Variants in MDGA2 observed in about 807,000 individuals in gnomAD.
MDGA2 encodes the protein MAM domain containing glycosylphosphatidylinositol anchor 2.
A neutral mutation model predicts 117.8 loss-of-function variants in MDGA2; 40 were observed. That is an observed-to-expected ratio of 0.34 (90% CI 0.26 to 0.44). The LOEUF (loss-of-function observed/expected upper bound fraction) is 0.44, where lower values mean the gene tolerates loss of function less well. Ranked by LOEUF, MDGA2 falls within the 20% of genes least tolerant of loss-of-function variation. The pLI is 1.00. For missense variants in MDGA2, 1,123 were observed against 1,250.6 expected (o/e 0.90, Z 1.54); for synonymous variants, 452 against 439.0 (o/e 1.03, Z -0.37).
intron 1 of MDGA2, among the ~76,000 whole-genome samples, chr14:47,360,348 T>A (rs1478612151): frequency 1.4e-5 from 1 of 71,138 alleles, no homozygotes; most frequent in Non-Finnish European, 3.2e-5. Flanking sequence ...TGAGAGTCCA[T>A]CTCAAAAAAT....
At chr14:47,073,572 G>A (rs930029605) in intron 6 of MDGA2, among the ~76,000 whole-genome samples, 2 of 152,162 alleles carry the variant, frequency 1.3e-5, no homozygotes. Flanking sequence ...CACAGATGAA[G>A]AGCCTAGTGA....
At position 47,218,053 on chromosome 14, in the gene MDGA2, G is replaced by A; in HGVS notation, c.563C>T (p.Pro188Leu). Residue 188 changes from proline to leucine, a missense_variant, in exon 3 of 17, where the codon CCA becomes CTA. This residue lies in a region of MDGA2 where 890 missense variants were observed against 1,050.3 expected (regional missense o/e 0.85). Transcript: ENST00000399232. Reference protein sequence around the residue: ...YCKAENGLGSPAIKSIRVDVY... With the variant: ...YCKAENGLGSLAIKSIRVDVY... The stretch of plus-strand genomic sequence containing the variant: ...ATCCACTCTGATTGACTTTATCGCT[G>A]GAGACCCCAAGCCATTCTCTGCTTT... 1 of 1,550,082 alleles carries A rather than the reference G, an allele frequency of 6.5e-7. No individual in the cohort carries two copies.
At chr14:47,163,400 A>T (rs1883723418) in intron 3 of MDGA2, among the ~76,000 whole-genome samples, 1 of 151,928 alleles carries the variant, frequency 6.6e-6, no homozygotes, top group South Asian at 2.1e-4. Context: ...TCATGACTGA[A>T]TCATGATGGT....
At chr14:46,852,946 CAG>C (rs1468895184) in intron 15 of MDGA2, among the ~76,000 whole-genome samples, 3 of 151,626 alleles carry the variant, frequency 2.0e-5, no homozygotes, top group African/African-American at 7.3e-5. Context: ...ATCAAATTAC[CAG>C]ACTTGTAAAA....
chr14:47,026,037 C>A (rs1566580532), intron 8 of MDGA2, among the ~76,000 whole-genome samples: 1 of 151,962 alleles, frequency 6.6e-6, no homozygotes, highest in Non-Finnish European at 1.5e-5. Context: ...GAATTTACTA[C>A]AAAGTAAAGT....
intron 1 of MDGA2, among the ~76,000 whole-genome samples, chr14:47,403,589 C>T (rs1312469165): frequency 6.6e-6 from 1 of 152,114 alleles, no homozygotes; most frequent in Non-Finnish European, 1.5e-5. Context: ...TATCCTCACC[C>T]TCTACTACTT....
chr14:47,254,737 C>A (rs1205360588), intron 2 of MDGA2, among the ~76,000 whole-genome samples: 1 of 152,184 alleles, frequency 6.6e-6, no homozygotes, highest in Non-Finnish European at 1.5e-5. Context: ...TATAGCAGAG[C>A]CCCATTACCA....
intron 1 of MDGA2, among the ~76,000 whole-genome samples, chr14:47,351,014 C>T (rs1026574919): frequency 3.9e-5 from 6 of 151,994 alleles, no homozygotes; most frequent in African/African-American, 1.4e-4. Flanking sequence ...TGGATTCAAA[C>T]GATTCTCCTG....
intron 1 of MDGA2, among the ~76,000 whole-genome samples, chr14:47,363,513 C>A (rs1166658116): frequency 6.6e-6 from 1 of 152,116 alleles, no homozygotes; most frequent in Non-Finnish European, 1.5e-5. Context: ...ACACCTCAGC[C>A]TCCCAAAGTA....
At position 47,674,762 on chromosome 14, in the gene MDGA2, G is replaced by A. The variant is rs549653182; in HGVS notation, c.35C>T (p.Ala12Val). 1.0e-5 allele frequency: 7 copies of A among 702,892 alleles called. No individual in the cohort carries two copies. The highest frequency in any genetic ancestry group is 9.0e-5 in the South Asian group (6 of 66,636). The allele number at this position is 702,892 out of a possible 1,614,324, so 43.5% of individuals were successfully genotyped here. A position where few individuals can be genotyped will look rare whatever the true frequency, so the allele number is the denominator to read the frequency against. Residue 12 changes from alanine (A) to valine (V), a missense_variant, in exon 1 of 17, where the codon GCT becomes GTT. Physicochemically the swap from Ala to Val is moderately conservative, Grantham distance 64. Around this residue, in one of 2 missense-constraint regions of MDGA2, gnomAD observed 233 missense variants for 200.3 expected, o/e 1.16. Transcript: ENST00000399232. Reference sequence around the variant, plus strand: ...TGTCCTTCCCCGGCGGCGGCGGCGAGCGGAGCGCAGGAGCCCCGCACTCCA... The same window carrying A: ...TGTCCTTCCCCGGCGGCGGCGGCGAACGGAGCGCAGGAGCCCCGCACTCCA... ...SVWSAGLLRS[A>V]RRRRRGRTDG...
chr14:47,485,920 G>A (rs866640654), intron 1 of MDGA2, among the ~76,000 whole-genome samples: 17 of 152,172 alleles, frequency 1.1e-4, no homozygotes, highest in African/African-American at 3.9e-4. Flanking sequence ...GCAGGGGCAG[G>A]GAGGGCTCTC....
intron 1 of MDGA2, among the ~76,000 whole-genome samples, chr14:47,515,671 G>A (rs1894736430): frequency 6.6e-6 from 1 of 152,128 alleles, no homozygotes; most frequent in Non-Finnish European, 1.5e-5. Flanking sequence ...ATAAGCCACG[G>A]TGGGCAAGTC....
intron 14 of MDGA2, 155 bp downstream of exon 14, chr14:46,873,278 C>G: frequency 1.6e-6 from 1 of 607,356 alleles, no homozygotes; most frequent in Non-Finnish European, 2.6e-6. Flanking sequence ...GGAAAAAATT[C>G]TTACTATCTT....
At chr14:47,410,641 A>T (rs8021852) in intron 1 of MDGA2, among the ~76,000 whole-genome samples, 27,653 of 151,940 alleles carry the variant, frequency 0.18, 2,640 homozygotes, top group Admixed American at 0.26. Context: ...GAGAGAGAAA[A>T]TACGCCATTT....
At chr14:46,968,279 G>C (rs1886115618) in intron 8 of MDGA2, among the ~76,000 whole-genome samples, 1 of 152,082 alleles carries the variant, frequency 6.6e-6, no homozygotes, top group Non-Finnish European at 1.5e-5. Context: ...TGCTCCCACT[G>C]ACAGTGGTTC....
intron 1 of MDGA2, among the ~76,000 whole-genome samples, chr14:47,653,865 G>C (rs1897691634): frequency 6.6e-6 from 1 of 152,152 alleles, no homozygotes; most frequent in South Asian, 2.1e-4. Flanking sequence ...GACATAAAAG[G>C]AGGCTGTAGA....
At chr14:47,584,529 A>G (rs537105501) in intron 1 of MDGA2, among the ~76,000 whole-genome samples, 10 of 151,920 alleles carry the variant, frequency 6.6e-5, no homozygotes, top group African/African-American at 2.4e-4. Context: ...TATTTCTTAA[A>G]TATCTTAAAA....
chr14:47,116,427 GA>G (rs779737570), intron 5 of MDGA2, among the ~76,000 whole-genome samples: 2 of 152,006 alleles, frequency 1.3e-5, no homozygotes, highest in East Asian at 1.9e-4. Flanking sequence ...AATTCATATG[GA>G]ACCACAAAAA....
chr14:47,048,919 G>C (rs953628110), intron 7 of MDGA2, among the ~76,000 whole-genome samples: 2 of 152,026 alleles, frequency 1.3e-5, no homozygotes, highest in Admixed American at 1.3e-4. Context: ...TAAACATATG[G>C]ACCTAATTTT....
Sources: gnomAD v4.1 joint callset for allele counts (sites outside exome capture counted in the v4.1 genomes callset) on GRCh38, gnomAD v4.1.1 for gene constraint, gnomAD v4.1.1 regional missense constraint, MANE v1.5 for transcripts, NCBI Gene and HGNC (gene_info 2026-07-23, HGNC 2026-07-21) for gene names.